Variants in CD84 observed in about 807,000 individuals in gnomAD.
The protein encoded by CD84 is SLAM family member 5.
Under a neutral mutation model 33.8 loss-of-function variants are expected in CD84, and 22 were observed. The ratio of observed to expected loss-of-function variants is 0.65; its 90% CI spans 0.46 to 0.93. The LOEUF (loss-of-function observed/expected upper bound fraction) is 0.93, where lower values mean the gene tolerates loss of function less well. CD84 is among the 40% of genes least tolerant of loss of function. The pLI, the probability that CD84 is intolerant of heterozygous loss-of-function variation, is 0.00. For synonymous variants in CD84, 154 were observed against 145.2 expected (o/e 1.06, Z -0.44); for missense variants, 400 against 397.6 (o/e 1.01, Z -0.05).
intron 1 of CD84, among the ~76,000 whole-genome samples, chr1:160,566,769 G>C (rs74124872): frequency 0.05 from 7,575 of 152,182 alleles, 643 homozygotes; most frequent in African/African-American, 0.17. Context: ...TCTGGGAATC[G>C]AGGGAACATT....
chr1:160,550,329 C>G (rs1656121408), intron 5 of CD84, among the ~76,000 whole-genome samples: 1 of 152,098 alleles, frequency 6.6e-6, no homozygotes, highest in Admixed American at 6.5e-5. Context: ...GCTAGACTGA[C>G]CAGGCAGACC....
chr1:160,566,714 G>T (rs1657350424), intron 1 of CD84, among the ~76,000 whole-genome samples: 1 of 152,180 alleles, frequency 6.6e-6, no homozygotes, highest in South Asian at 2.1e-4. Flanking sequence ...AAATATGTAA[G>T]CATTATGGTG....
At chr1:160,568,655 C>G (rs1657477801) in intron 1 of CD84, among the ~76,000 whole-genome samples, 1 of 152,170 alleles carries the variant, frequency 6.6e-6, no homozygotes. Flanking sequence ...CACTCTCTCA[C>G]TGTCACCCAC....
intron 4 of CD84, 134 bp downstream of exon 4, chr1:160,553,244 G>A (rs2102138228): frequency 1.5e-6 from 2 of 1,368,292 alleles, no homozygotes; most frequent in Non-Finnish European, 2.1e-6. Context: ...ATTCTGGGAG[G>A]TGGTGGGGTG....
At chr1:160,550,541 T>C in intron 5 of CD84, 1 of 821,508 alleles carries the variant, frequency 1.2e-6, no homozygotes, top group East Asian at 1.2e-4. Flanking sequence ...AACTTGTCTG[T>C]CAGTTCTGTT....
At chr1:160,566,647 A>G (rs1657344842) in intron 1 of CD84, among the ~76,000 whole-genome samples, 1 of 152,222 alleles carries the variant, frequency 6.6e-6, no homozygotes, top group Non-Finnish European at 1.5e-5. Flanking sequence ...GAGACTTACA[A>G]TCAGAGGAAG....
chr1:160,555,081 CT>C (rs35518975), intron 2 of CD84, among the ~76,000 whole-genome samples: 3,314 of 138,454 alleles, frequency 0.024, 21 homozygotes, highest in Middle Eastern at 0.027. Context: ...ATGAAATAAT[CT>C]TTTTTTTTTT....
In CD84 at chr1:160,572,009, A is replaced by G. The variant is rs1657724576; in HGVS notation, c.47-6264T>C. ...TCACCTGAAGTGGAAAGGGGAAAGG[A>G]AAGGATAAGTGAAAGAGCAAAGGTA... On this transcript the variant is annotated intron_variant, in intron 1 of 6. Transcript: ENST00000368054. Among the ~76,000 whole-genome samples, 3 of 152,212 alleles carry G rather than the reference A, an allele frequency of 2.0e-5. No individual in the cohort carries two copies. In the South Asian group the frequency reaches 6.2e-4, roughly 32 times the overall value.
In CD84 at chr1:160,548,660, A is replaced by G. The variant is rs986740983; in HGVS notation, c.922-339T>C. Among the ~76,000 whole-genome samples the G allele has an allele frequency of 2.6e-5, 4 of 151,856 alleles. No individual in the cohort carries two copies. The East Asian group carries it at 7.7e-4, about 29-fold the overall frequency. The stretch of plus-strand genomic sequence containing the variant: ...TACCTGCATTCCTTGTTCCTAGTTG[A>G]CCCCTAGTTTTTTTGTATCCCAATA... On this transcript the variant is annotated intron_variant, in intron 6 of 6. Coordinates refer to ENST00000368054, the MANE Select transcript of CD84 (RefSeq NM_003874.4).
chr1:160,578,819 A>C (rs2102220338), intron 1 of CD84, among the ~76,000 whole-genome samples: 1 of 152,304 alleles, frequency 6.6e-6, no homozygotes, highest in South Asian at 2.1e-4. Context: ...ATTTGTAAAA[A>C]ATGGGATAGT....
chr1:160,546,643 T>G lies in CD84; in HGVS notation c.*1613A>C, dbSNP rs905880409. ...CAGGCCCCTGCTCATTTTTCATGCT[T>G]CTCTCACTTGGAGGCCCTCTGTCTT... On this transcript the variant is annotated 3_prime_UTR_variant, in exon 7 of 7. Coordinates refer to ENST00000368054, the MANE Select transcript of CD84 (RefSeq NM_003874.4). The G allele has an allele frequency of 6.6e-6, 1 of 152,630 alleles. No homozygotes were observed. The highest frequency in any genetic ancestry group is 1.5e-5 in the Non-Finnish European group (1 of 68,356). The allele number at this position is 152,630 out of a possible 1,614,324, so 9.5% of individuals were successfully genotyped here.
intron 2 of CD84, among the ~76,000 whole-genome samples, chr1:160,556,006 C>T (rs989322405): frequency 6.6e-6 from 1 of 152,130 alleles, no homozygotes. Flanking sequence ...ATAATAGTGA[C>T]TGATACGATA....
intron 2 of CD84, among the ~76,000 whole-genome samples, chr1:160,556,265 C>T (rs1656599828): frequency 6.6e-6 from 1 of 152,138 alleles, no homozygotes; most frequent in South Asian, 2.1e-4. Flanking sequence ...TCCTCCCAAG[C>T]CAAGATTGTG....
chr1:160,563,497 C>A (rs1657124155), intron 2 of CD84, among the ~76,000 whole-genome samples: 1 of 152,072 alleles, frequency 6.6e-6, no homozygotes, highest in Non-Finnish European at 1.5e-5. Context: ...AATGCAGGAA[C>A]AGAAAACCGA....
chr1:160,556,484 A>C (rs1656616296), intron 2 of CD84, among the ~76,000 whole-genome samples: 1 of 152,272 alleles, frequency 6.6e-6, no homozygotes, highest in African/African-American at 2.4e-5. Flanking sequence ...TCTATCATCT[A>C]TCTGTCTGTC....
At chr1:160,553,131 TACTAA>T (rs1452967420) in intron 4 of CD84, 7 of 633,614 alleles carry the variant, frequency 1.1e-5, no homozygotes, top group Non-Finnish European at 2.0e-5. Flanking sequence ...TTCATGTATG[TACTAA>T]GCTCGAACCC....
intron 2 of CD84, among the ~76,000 whole-genome samples, chr1:160,555,350 T>G (rs1053576769): frequency 6.6e-6 from 1 of 152,196 alleles, no homozygotes; most frequent in Non-Finnish European, 1.5e-5. Flanking sequence ...CCCAAAGTGC[T>G]GGGATGACAG....
intron 1 of CD84, among the ~76,000 whole-genome samples, chr1:160,572,193 C>A (rs1301581160): frequency 1.3e-5 from 2 of 152,038 alleles, no homozygotes; most frequent in African/African-American, 4.8e-5. Flanking sequence ...ATAATGCCTG[C>A]CTTATAGAAT....
At chr1:160,570,137 G>T (rs889707133) in intron 1 of CD84, among the ~76,000 whole-genome samples, 5 of 152,080 alleles carry the variant, frequency 3.3e-5, no homozygotes, top group Non-Finnish European at 7.4e-5. Flanking sequence ...AGAAAGGCAA[G>T]AAATAAAGAG....
Sources: allele counts gnomAD v4.1 joint callset (sites outside exome capture counted in the v4.1 genomes callset), GRCh38; gene constraint gnomAD v4.1.1; transcripts MANE v1.5; gene names NCBI Gene and HGNC (gene_info 2026-07-23, HGNC 2026-07-21).